Variants in DIAPH2 observed in about 807,000 individuals in gnomAD.
DIAPH2 encodes the protein protein diaphanous homolog 2.
In DIAPH2, 35 loss-of-function variants were observed where a neutral mutation model predicts 92.7. The observed-to-expected ratio is 0.38, with a 90% CI of 0.29 to 0.50. The LOEUF is 0.50. DIAPH2 is among the 20% of genes least tolerant of loss of function. The probability of loss-of-function intolerance (pLI) is 0.94; values close to 1 mark genes in which losing one functional copy is unlikely to be tolerated. For synonymous variants in DIAPH2, 301 were observed against 280.4 expected, an observed-to-expected ratio of 1.07 and a Z score of -0.73; for missense variants, 701 against 819.5, an observed-to-expected ratio of 0.86 and a Z score of 1.77.
intron 4 of DIAPH2, among the ~76,000 whole-genome samples, chrX:96,836,747 A>C (rs2064895861): frequency 5.8e-5 from 1 of 17,134 alleles, no homozygotes; most frequent in South Asian, 5.4e-3. Context: ...TTTTTTTTTG[A>C]GACGGAGTCT....
chrX:96,774,173 T>A (rs1235548782), intron 4 of DIAPH2, among the ~76,000 whole-genome samples: 1 of 111,374 alleles, frequency 9.0e-6, no homozygotes, highest in African/African-American at 3.3e-5. Flanking sequence ...TTGTTTGGGG[T>A]TACATAGTAA....
intron 9 of DIAPH2, among the ~76,000 whole-genome samples, chrX:96,925,470 G>T (rs980185902): frequency 3.6e-5 from 4 of 110,746 alleles, no homozygotes; most frequent in Non-Finnish European, 7.6e-5. Flanking sequence ...CCTCGACATG[G>T]TATCCTTCTC....
At chrX:97,136,853 CT>C (rs997735960) in intron 21 of DIAPH2, among the ~76,000 whole-genome samples, 1 of 110,429 alleles carries the variant, frequency 9.1e-6, no homozygotes, top group African/African-American at 3.3e-5. Context: ...TGAATTTGCC[CT>C]TTTTTTGTCT....
At chrX:97,263,900 T>TTTTTTTTA (rs1556013136) in intron 23 of DIAPH2, among the ~76,000 whole-genome samples, 5 of 94,007 alleles carry the variant, frequency 5.3e-5, no homozygotes, top group Admixed American at 1.2e-4. Flanking sequence ...ACTGTTAGTT[T>TTTTTTTTA]TTTATTTATT....
chrX:96,818,296 A>G (rs982165421), intron 4 of DIAPH2, among the ~76,000 whole-genome samples: 36 of 108,925 alleles, frequency 3.3e-4, no homozygotes, highest in African/African-American at 1.1e-3. Context: ...CTTTCTTTAA[A>G]CCCAGCATTT....
intron 21 of DIAPH2, among the ~76,000 whole-genome samples, chrX:97,119,835 C>G (rs2067042818): frequency 9.0e-6 from 1 of 111,433 alleles, no homozygotes. Context: ...GGAAAGCCGG[C>G]AGTCACAGGC....
intron 3 of DIAPH2, among the ~76,000 whole-genome samples, chrX:96,755,684 A>T (rs1011915236): frequency 9.5e-6 from 1 of 105,145 alleles, no homozygotes; most frequent in Non-Finnish European, 2.0e-5. Flanking sequence ...TAACATTGAT[A>T]CTGTTCTTCG....
chrX:97,506,047 T>G (rs947984064), intron 26 of DIAPH2, among the ~76,000 whole-genome samples: 7 of 109,970 alleles, frequency 6.4e-5, no homozygotes, highest in Non-Finnish European at 1.1e-4. Context: ...CATTTGTATG[T>G]TACCCAAACC....
At chrX:96,737,096 A>G (rs1197747872) in intron 2 of DIAPH2, among the ~76,000 whole-genome samples, 1 of 112,113 alleles carries the variant, frequency 8.9e-6, no homozygotes, top group African/African-American at 3.2e-5. Flanking sequence ...ATCTTAAGTT[A>G]ATGTGAAGAC....
intron 23 of DIAPH2, among the ~76,000 whole-genome samples, chrX:97,298,413 G>A (rs1485846481): frequency 9.3e-6 from 1 of 107,082 alleles, no homozygotes; most frequent in African/African-American, 3.4e-5. Context: ...CTTATCTAAT[G>A]CTACTTAAAT....
At chrX:96,870,878 T>C (rs1483641591) in intron 4 of DIAPH2, among the ~76,000 whole-genome samples, 1 of 112,203 alleles carries the variant, frequency 8.9e-6, no homozygotes. Flanking sequence ...GTAGGATACA[T>C]TTATAATCTG....
At chrX:96,806,804 G>A (rs1484414968) in intron 4 of DIAPH2, among the ~76,000 whole-genome samples, 1 of 104,298 alleles carries the variant, frequency 9.6e-6, no homozygotes, top group Non-Finnish European at 2.0e-5. Flanking sequence ...GCAGTGGCGT[G>A]AGCTCAGCTC....
At chrX:97,144,005 G>C (rs1294440204) in intron 22 of DIAPH2, among the ~76,000 whole-genome samples, 2 of 111,413 alleles carry the variant, frequency 1.8e-5, no homozygotes, top group African/African-American at 6.5e-5. Flanking sequence ...GTGAAGGGTA[G>C]GGGGATGAAG....
intron 5 of DIAPH2, chrX:96,885,449 CAAAAAAAAAAAA>C (rs60706314): frequency 2.9e-5 from 1 of 34,256 alleles, no homozygotes; most frequent in Non-Finnish European, 4.9e-5. Context: ...AGCGAAAAGA[CAAAAAAAAAAAA>C]AAAAAAAAAA....
chrX:97,086,207 G>A (rs908207738), intron 19 of DIAPH2, among the ~76,000 whole-genome samples: 7 of 111,802 alleles, frequency 6.3e-5, no homozygotes, highest in Admixed American at 1.9e-4. Flanking sequence ...GTATGTACAT[G>A]TTGGAACACT....
chrX:97,511,601 A>G (rs1458728017), intron 26 of DIAPH2, among the ~76,000 whole-genome samples: 4 of 109,716 alleles, frequency 3.6e-5, no homozygotes. Flanking sequence ...TTCAAAGGGA[A>G]TGCTTCCAGT....
At chrX:96,790,650 A>T (rs1177325717) in intron 4 of DIAPH2, among the ~76,000 whole-genome samples, 1 of 111,582 alleles carries the variant, frequency 9.0e-6, no homozygotes, top group African/African-American at 3.3e-5. Context: ...GAGGGAAAAA[A>T]AATCCTATGT....
intron 4 of DIAPH2, among the ~76,000 whole-genome samples, chrX:96,774,827 A>G (rs1208140248): frequency 8.9e-6 from 1 of 112,099 alleles, no homozygotes; most frequent in African/African-American, 3.2e-5. Flanking sequence ...TCAGAGGGCA[A>G]GGACCATGTC....
At position 96,849,802 on chromosome X, in the gene DIAPH2, G is replaced by A. The variant is rs986577412; in HGVS notation, c.448-31777G>A. Among the ~76,000 whole-genome samples, 7 of 111,722 alleles carry A rather than the reference G, an allele frequency of 6.3e-5. No individual in the cohort carries two copies. In the Admixed American group the frequency reaches 6.7e-4, roughly 11 times the overall value. ...TGAAAACTATTTGTGAATAAATAAT[G>A]AACCAATACTACTTCTGTTCACTCA... On this transcript the variant is annotated intron_variant, in intron 4 of 26. Transcript: ENST00000324765.
Sources: allele counts gnomAD v4.1 joint callset (sites outside exome capture counted in the v4.1 genomes callset), GRCh38; gene constraint gnomAD v4.1.1; transcripts MANE v1.5; gene names NCBI Gene and HGNC (gene_info 2026-07-23, HGNC 2026-07-21).